Variants in PIK3R1 observed in about 807,000 individuals in gnomAD.
The protein encoded by PIK3R1 is phosphatidylinositol 3-kinase regulatory subunit alpha.
Under a neutral mutation model 98.0 loss-of-function variants are expected in PIK3R1, and 29 were observed. The ratio of observed to expected loss-of-function variants is 0.30; its 90% CI spans 0.22 to 0.40. The LOEUF is 0.40. Among genes scored for constraint, PIK3R1 ranks in the 10% least tolerant of loss-of-function variants. The probability of loss-of-function intolerance (pLI) is 1.00; values close to 1 mark genes in which losing one functional copy is unlikely to be tolerated. For missense variants in PIK3R1, 596 were observed against 872.7 expected (o/e 0.68, Z 3.99); for synonymous variants, 282 against 311.8 (o/e 0.90, Z 1.01).
intron 15 of PIK3R1, 28 bp from the exon 16 acceptor site, chr5:68,297,381 CAAA>C (rs1561301809): frequency 6.4e-7 from 1 of 1,570,892 alleles, no homozygotes; most frequent in Admixed American, 1.7e-5. Flanking sequence ...TGGACAAGCT[CAAA>C]AGACAGTTTT....
chr5:68,289,981 A>G (rs1215064424), intron 7 of PIK3R1, among the ~76,000 whole-genome samples: 1 of 152,156 alleles, frequency 6.6e-6, no homozygotes, highest in Non-Finnish European at 1.5e-5. Flanking sequence ...TTGACAGACA[A>G]TTACGTTTAT....
chr5:68,294,776 C>T, intron 12 of PIK3R1, 98 bp downstream of exon 12: 2 of 694,148 alleles, frequency 2.9e-6, no homozygotes, highest in Non-Finnish European at 4.0e-6. Flanking sequence ...ATCACGTGGA[C>T]ACAGGAAGGG....
chr5:68,257,892 T>C (rs904313076), intron 2 of PIK3R1, among the ~76,000 whole-genome samples: 1 of 152,230 alleles, frequency 6.6e-6, no homozygotes, highest in African/African-American at 2.4e-5. Flanking sequence ...TGTTATCGTA[T>C]AATCTGAGTT....
intron 12 of PIK3R1, 102 bp from the exon 13 acceptor site, chr5:68,295,046 C>T: frequency 2.3e-6 from 2 of 859,460 alleles, no homozygotes; most frequent in South Asian, 3.1e-5. Context: ...CACGCTTTAC[C>T]TAAGGAAAAC....
intron 2 of PIK3R1, among the ~76,000 whole-genome samples, chr5:68,266,925 C>T (rs925262822): frequency 8.5e-5 from 13 of 152,142 alleles, no homozygotes; most frequent in Admixed American, 3.9e-4. Flanking sequence ...AACAGCCTAC[C>T]GCCCACTGTG....
At chr5:68,218,199 A>G (rs568786944) in intron 1 of PIK3R1, among the ~76,000 whole-genome samples, 1 of 152,312 alleles carries the variant, frequency 6.6e-6, no homozygotes, top group South Asian at 2.1e-4. Flanking sequence ...AGGAATACAT[A>G]TTTTGATTAT....
chr5:68,258,575 GC>G, intron 2 of PIK3R1, among the ~76,000 whole-genome samples: 1 of 152,290 alleles, frequency 6.6e-6, no homozygotes, highest in African/African-American at 2.4e-5. Flanking sequence ...ACCTAAGCAG[GC>G]CTTAGGTTTT....
rs557656365 is a variant in PIK3R1 at position 68,229,294 on chromosome 5, T to G, written c.334+2285T>G. Reference sequence around the variant, plus strand: ...AGTTATAAGGACAAATTTTATATGTTAGAACCTGTGAGACTAGTTTCTTTT... The same window carrying G: ...AGTTATAAGGACAAATTTTATATGTGAGAACCTGTGAGACTAGTTTCTTTT... On this transcript the variant is annotated intron_variant, in intron 2 of 15. Coordinates refer to ENST00000521381, the MANE Select transcript of PIK3R1 (RefSeq NM_181523.3). 2.0e-5 allele frequency among the ~76,000 whole-genome samples: 3 copies of G among 152,374 alleles called. No homozygotes were observed. In the South Asian group the frequency reaches 6.2e-4, roughly 32 times the overall value.
chr5:68,223,123 AATCATCATC>A (rs60144880), intron 1 of PIK3R1, among the ~76,000 whole-genome samples: 63,808 of 147,854 alleles, frequency 0.43, 13,919 homozygotes, highest in East Asian at 0.72. Flanking sequence ...GTACAAACTC[AATCATCATC>A]ATCATCATCA....
chr5:68,252,380 A>AAT (rs1483759799), intron 2 of PIK3R1, among the ~76,000 whole-genome samples: 1 of 151,600 alleles, frequency 6.6e-6, no homozygotes, highest in Non-Finnish European at 1.5e-5. Context: ...TACAAAAAAA[A>AAT]AAAAGTGGGG....
chr5:68,267,651 CA>C (rs886767027), intron 2 of PIK3R1, among the ~76,000 whole-genome samples: 21 of 144,644 alleles, frequency 1.5e-4, no homozygotes, highest in Admixed American at 2.1e-4. Context: ...CTTCTTCCTC[CA>C]AAAAAAAAAG....
chr5:68,297,648 C>A lies in PIK3R1; in HGVS notation c.*47C>A, dbSNP rs2112295543. On this transcript the variant is annotated 3_prime_UTR_variant, in exon 16 of 16. Coordinates refer to ENST00000521381, the MANE Select transcript of PIK3R1 (RefSeq NM_181523.3). ...CTCCTGAAGTTCAGCCACCCTGAGG[C>A]CTCTGGAAAGCAAAGGGCTCCTCTC... The A allele has an allele frequency of 1.3e-6, 2 of 1,538,102 alleles. No homozygotes were observed. Among genetic ancestry groups the A allele is most frequent in the Non-Finnish European group, 1.8e-6 (2 of 1,121,596 alleles).
rs1186674120 is a variant in PIK3R1, at chr5:68,298,299, A to T, written c.*698A>T. 4.3e-6 allele frequency: 1 copy of T among 233,148 alleles called. No homozygotes were observed. Among genetic ancestry groups the T allele is most frequent in the African/African-American group, 2.2e-5 (1 of 45,342 alleles). 14.4% of individuals were successfully genotyped at this position (233,148 alleles called of 1,614,324 possible). ...AACAGGACTTAAAATGACATTCAGTATATAAAATATGTACATAATATTGGA... is the reference window on the plus strand; with the variant it reads ...AACAGGACTTAAAATGACATTCAGTTTATAAAATATGTACATAATATTGGA... On this transcript the variant is annotated 3_prime_UTR_variant, in exon 16 of 16. Coordinates refer to ENST00000521381, the MANE Select transcript of PIK3R1 (RefSeq NM_181523.3).
chr5:68,221,400 G>A (rs746031589), intron 1 of PIK3R1, among the ~76,000 whole-genome samples: 103 of 152,144 alleles, frequency 6.8e-4, no homozygotes, highest in Admixed American at 4.3e-3. Flanking sequence ...CTAGCACACT[G>A]AAGTTAAAAA....
chr5:68,288,855 T>C (rs1352076697), intron 7 of PIK3R1: 11 of 1,165,048 alleles, frequency 9.4e-6, no homozygotes, highest in Non-Finnish European at 1.4e-5. Flanking sequence ...CTGTAAGCGC[T>C]GCCTGGGGAG....
chr5:68,263,393 G>C (rs1011938524), intron 2 of PIK3R1, among the ~76,000 whole-genome samples: 1 of 151,380 alleles, frequency 6.6e-6, no homozygotes, highest in South Asian at 2.1e-4. Flanking sequence ...TGAGAATGTA[G>C]TGATAGGGTT....
At chr5:68,276,116 C>T (rs147333458) in intron 4 of PIK3R1, among the ~76,000 whole-genome samples, 14 of 152,230 alleles carry the variant, frequency 9.2e-5, no homozygotes, top group Non-Finnish European at 1.8e-4. Flanking sequence ...TGAATTGTTT[C>T]TTTGTCTCAT....
At position 68,288,570 on chromosome 5, in the gene PIK3R1, G is replaced by T. The variant is rs931208273; in HGVS notation, c.917-3689G>T. ...CTGTGCACGCCCGGAGGGTCCTGGC[G>T]GCGCCCCCGCTCCTGCGCGCACTCT... On this transcript the variant is annotated intron_variant, in intron 7 of 15. Transcript: ENST00000521381. The T allele has an allele frequency of 1.6e-5, 24 of 1,516,414 alleles. No homozygotes were observed. In the African/African-American group the frequency reaches 2.6e-4, roughly 17 times the overall value. The allele number at this position is 1,516,414 out of a possible 1,614,324, so 93.9% of individuals were successfully genotyped here. A position where few individuals can be genotyped will look rare whatever the true frequency, so the allele number is the denominator to read the frequency against.
intron 2 of PIK3R1, among the ~76,000 whole-genome samples, chr5:68,230,245 C>A (rs1003793998): frequency 6.6e-6 from 1 of 152,208 alleles, no homozygotes; most frequent in Non-Finnish European, 1.5e-5. Context: ...TCATTGATTA[C>A]TTAACCCACG....
Sources: allele counts gnomAD v4.1 joint callset (sites outside exome capture counted in the v4.1 genomes callset), GRCh38; gene constraint gnomAD v4.1.1; transcripts MANE v1.5; gene names NCBI Gene and HGNC (gene_info 2026-07-23, HGNC 2026-07-21).